ANK2: variants seen among roughly 807,000 people sequenced by gnomAD.
ANK2 encodes the protein ankyrin-2.
ANK2 carries 83 observed loss-of-function variants against 360.5 expected under a neutral mutation model. The observed-to-expected ratio is 0.23, with a 90% confidence interval of 0.19 to 0.28. ANK2 has a LOEUF of 0.28. Among genes scored for constraint, ANK2 ranks in the 10% least tolerant of loss-of-function variants. ANK2 has a pLI of 1.00. For missense variants in ANK2, 4,201 were observed against 4,795.7 expected (o/e 0.88, Z 3.66); for synonymous variants, 1,740 against 1,759.5 (o/e 0.99, Z 0.28).
At chr4:112,726,061 C>T in the ANK2 span, among the ~76,000 whole-genome samples, 1 of 152,048 alleles carries the variant, frequency 6.6e-6, no homozygotes, top group Non-Finnish European at 1.5e-5. Context: ...AAGTGACAGT[C>T]AAGCAGAGAT....
chr4:112,965,390 A>G (rs921539145), intron 2 of ANK2, among the ~76,000 whole-genome samples: 2 of 151,982 alleles, frequency 1.3e-5, no homozygotes, highest in Non-Finnish European at 2.9e-5. Flanking sequence ...AGCTCCTTGT[A>G]TATTCTGGTT....
At chr4:113,160,720 G>A (rs1211508478) in intron 1 of ANK2, among the ~76,000 whole-genome samples, 1 of 152,162 alleles carries the variant, frequency 6.6e-6, no homozygotes, top group East Asian at 1.9e-4. Flanking sequence ...GGAGGGCCAG[G>A]CCAACTGGGG....
rs1057524537 is a variant in ANK2 at position 113,369,631 on chromosome 4, C to T, written c.11436C>T (p.Leu3812=). The T allele has an allele frequency of 3.1e-6, 5 of 1,614,120 alleles. No homozygotes were observed. The South Asian group carries it at 5.5e-5, about 18-fold the overall frequency. ...CTGCAGAGGAGGAGAAGCTGTACCT[C>T]CAGACCCCAACATCCAGCGAGCGGG... The part of the protein sequence containing the change: ...STPAEEEKLY[L]QTPTSSERGG... Residue 3812 remains leucine, a synonymous_variant, in exon 43 of 46, where the codon CTC becomes CTT. Transcript: ENST00000357077.
chr4:112,810,145 ATATATATATATATATTTTTTTTT>A, the ANK2 span, among the ~76,000 whole-genome samples: 3 of 56,732 alleles, frequency 5.3e-5, no homozygotes, highest in African/African-American at 1.2e-4. Context: ...ATATATATAT[ATATATATATATATATTTTTTTTT>A]TTTTTTTTTT....
intron 1 of ANK2, among the ~76,000 whole-genome samples, chr4:113,134,115 A>G (rs1459993793): frequency 6.6e-6 from 1 of 152,074 alleles, no homozygotes; most frequent in East Asian, 1.9e-4. Flanking sequence ...TGATCAAAAT[A>G]GCATCAAGGC....
intron 2 of ANK2, among the ~76,000 whole-genome samples, chr4:113,014,743 C>T (rs1364419950): frequency 6.7e-6 from 1 of 149,554 alleles, no homozygotes; most frequent in Non-Finnish European, 1.5e-5. Context: ...GTATATAAAG[C>T]ATTTAGTACT....
chr4:112,782,160 A>T, the ANK2 span, among the ~76,000 whole-genome samples: 1 of 152,130 alleles, frequency 6.6e-6, no homozygotes, highest in East Asian at 1.9e-4. Flanking sequence ...TTATATTTTA[A>T]GATATATATT....
upstream of ANK2, among the ~76,000 whole-genome samples, chr4:112,814,622 AT>A (rs980489835): frequency 6.6e-6 from 1 of 151,726 alleles, no homozygotes; most frequent in Non-Finnish European, 1.5e-5. Context: ...TAATTTTTAA[AT>A]TTTTTTTAGG....
intron 1 of ANK2, among the ~76,000 whole-genome samples, chr4:112,884,056 A>T (rs2077573683): frequency 6.6e-6 from 1 of 152,084 alleles, no homozygotes; most frequent in South Asian, 2.1e-4. Flanking sequence ...CTGAGTGACT[A>T]TGAAAATATG....
At chr4:112,868,082 T>G in intron 1 of ANK2, among the ~76,000 whole-genome samples, 1 of 152,250 alleles carries the variant, frequency 6.6e-6, no homozygotes, top group East Asian at 1.9e-4. Context: ...TCTGACATTT[T>G]GATTTTATCC....
intron 2 of ANK2, among the ~76,000 whole-genome samples, chr4:113,186,785 T>C (rs1467826274): frequency 6.6e-6 from 1 of 152,096 alleles, no homozygotes; most frequent in Non-Finnish European, 1.5e-5. Context: ...AAAAAAGGAA[T>C]TTGTGTAGAA....
intron 4 of ANK2, among the ~76,000 whole-genome samples, chr4:113,209,833 A>T (rs2099000285): frequency 6.7e-6 from 1 of 150,372 alleles, no homozygotes; most frequent in South Asian, 2.1e-4. Context: ...AGCTTTGTTT[A>T]AAAATGTAGG....
chr4:112,836,160 C>T (rs1013361343), intron 1 of ANK2, among the ~76,000 whole-genome samples: 1 of 152,108 alleles, frequency 6.6e-6, no homozygotes, highest in Non-Finnish European at 1.5e-5. Context: ...GGGGCAGTTT[C>T]CTCCATGCTG....
intron 2 of ANK2, among the ~76,000 whole-genome samples, chr4:113,186,989 G>T (rs1037401043): frequency 1.3e-5 from 2 of 151,764 alleles, no homozygotes; most frequent in African/African-American, 4.8e-5. Flanking sequence ...AAGAGACCAA[G>T]ATGCAGATGA....
chr4:112,919,037 T>C (rs1208044976), intron 2 of ANK2, among the ~76,000 whole-genome samples: 1 of 152,236 alleles, frequency 6.6e-6, no homozygotes, highest in Non-Finnish European at 1.5e-5. Flanking sequence ...GAGTTATTTA[T>C]CATTTTCCAC....
At chr4:112,720,794 C>T in the ANK2 span, among the ~76,000 whole-genome samples, 1 of 152,176 alleles carries the variant, frequency 6.6e-6, no homozygotes, top group African/African-American at 2.4e-5. Flanking sequence ...TAACGTATAA[C>T]TCAAATATTT....
At chr4:113,002,117 G>A (rs1484699474) in intron 2 of ANK2, among the ~76,000 whole-genome samples, 1 of 152,056 alleles carries the variant, frequency 6.6e-6, no homozygotes, top group East Asian at 1.9e-4. Flanking sequence ...CTGGTGTGCT[G>A]CACCCACTAA....
chr4:113,267,528 T>A (rs574094341), intron 14 of ANK2, among the ~76,000 whole-genome samples: 1 of 152,352 alleles, frequency 6.6e-6, no homozygotes, highest in East Asian at 1.9e-4. Flanking sequence ...ATTGCTTGTT[T>A]CTGTCAGATT....
intron 2 of ANK2, among the ~76,000 whole-genome samples, chr4:112,990,270 A>G (rs769128004): frequency 4.6e-5 from 7 of 152,154 alleles, no homozygotes; most frequent in Non-Finnish European, 8.8e-5. Context: ...CCCTGTCTCA[A>G]TAGCAATAAA....
Sources: allele counts gnomAD v4.1 joint callset (sites outside exome capture counted in the v4.1 genomes callset), GRCh38; gene constraint gnomAD v4.1.1; transcripts MANE v1.5; gene names NCBI Gene and HGNC (gene_info 2026-07-23, HGNC 2026-07-21).